The following ACAP2 variants were observed in gnomAD, a reference collection of about 807,000 sequenced individuals.
ACAP2 encodes the protein arf-GAP with coiled-coil, ANK repeat and PH domain-containing protein 2.
ACAP2 carries 39 observed loss-of-function variants against 115.8 expected under a neutral mutation model. The ratio of observed to expected loss-of-function variants is 0.34; its 90% CI spans 0.26 to 0.44. The LOEUF (loss-of-function observed/expected upper bound fraction) is 0.44. Among genes scored for constraint, ACAP2 ranks in the 20% least tolerant of loss-of-function variants. ACAP2 has a pLI of 1.00. For synonymous variants in ACAP2, 289 were observed against 315.8 expected (o/e 0.92, Z 0.90); for missense variants, 662 against 927.6 (o/e 0.71, Z 3.72).
intron 2 of ACAP2, among the ~76,000 whole-genome samples, chr3:195,383,368 A>G (rs1250931952): frequency 2.0e-5 from 3 of 152,132 alleles, no homozygotes; most frequent in Non-Finnish European, 4.4e-5. Context: ...CAGTCAAAAA[A>G]ACAGATACAA....
At chr3:195,292,082 G>A (rs1370735773) in intron 19 of ACAP2, among the ~76,000 whole-genome samples, 183 bp downstream of exon 19, 1 of 152,114 alleles carries the variant, frequency 6.6e-6, no homozygotes, top group Non-Finnish European at 1.5e-5. Context: ...CTCTTCCACT[G>A]CAAAAAAACT....
intron 2 of ACAP2, among the ~76,000 whole-genome samples, chr3:195,387,116 A>G (rs1410131944): frequency 6.6e-6 from 1 of 152,198 alleles, no homozygotes; most frequent in Admixed American, 6.5e-5. Context: ...GGCAATGAAG[A>G]GGGAGGGAGG....
At chr3:195,374,472 G>A (rs1733379969) in intron 4 of ACAP2, among the ~76,000 whole-genome samples, 1 of 152,204 alleles carries the variant, frequency 6.6e-6, no homozygotes, top group Admixed American at 6.5e-5. Context: ...TCCATTTTAT[G>A]AATGATTGCC....
chr3:195,372,276 A>G (rs1305254494), intron 4 of ACAP2, among the ~76,000 whole-genome samples: 2 of 152,224 alleles, frequency 1.3e-5, no homozygotes, highest in African/African-American at 4.8e-5. Context: ...CATTTCATTA[A>G]GAGAATAACA....
intron 1 of ACAP2, among the ~76,000 whole-genome samples, chr3:195,421,331 T>C (rs1714172236): frequency 6.6e-6 from 1 of 152,304 alleles, no homozygotes; most frequent in South Asian, 2.1e-4. Flanking sequence ...ACTTCTCAAA[T>C]GATGAAATAA....
rs113294639 is a variant in ACAP2, at chr3:195,431,965, G to T, written c.53+10830C>A. 3.3e-3 allele frequency among the ~76,000 whole-genome samples: 497 copies of T among 152,190 alleles called. 3 individuals are homozygous for T. The highest frequency in any genetic ancestry group is 0.011 in the African/African-American group (476 of 41,522). On this transcript the variant is annotated intron_variant, in intron 1 of 22. Transcript: ENST00000326793. ...ATATGCATTGCTAGTTAATGATGTT[G>T]AGCATATTTTCATGTGCTTATTGAC...
intron 22 of ACAP2, among the ~76,000 whole-genome samples, chr3:195,281,175 A>G (rs1048244737): frequency 1.1e-4 from 17 of 152,130 alleles, no homozygotes; most frequent in African/African-American, 4.1e-4. Flanking sequence ...AGAGGCCGAG[A>G]CGGGCGGATC....
At chr3:195,424,543 C>A (rs536962525) in intron 1 of ACAP2, among the ~76,000 whole-genome samples, 2 of 151,524 alleles carry the variant, frequency 1.3e-5, no homozygotes, top group African/African-American at 4.8e-5. Flanking sequence ...AGACAATCCG[C>A]CTGCTTCGGC....
At chr3:195,439,615 GT>G (rs1232487411) in intron 1 of ACAP2, among the ~76,000 whole-genome samples, 3 of 151,040 alleles carry the variant, frequency 2.0e-5, no homozygotes, top group African/African-American at 7.3e-5. Flanking sequence ...TACATTTTGG[GT>G]TTTTTTGTTT....
In ACAP2 at chr3:195,291,745, C is replaced by T. The variant is rs760480509; in HGVS notation, c.2024G>A (p.Arg675Gln). The T allele has an allele frequency of 7.4e-6, 12 of 1,613,930 alleles. No individual in the cohort carries two copies. The Admixed American group carries it at 1.5e-4, about 20-fold the overall frequency. ...ANVNQRDVQG[R>Q]GPLHHATVLG... is the part of the protein sequence containing the mutation. ...GACGGTGGCATGGTGCAATGGTCCC[C>T]GCCCTTGGACATCTCTTTGGTTGAC... The change falls in exon 20 of 23, where the codon CGG becomes CAG. Residue 675 changes from arginine to glutamine, a missense_variant. Transcript: ENST00000326793.
intron 15 of ACAP2, among the ~76,000 whole-genome samples, chr3:195,301,344 C>T (rs1193751088): frequency 1.3e-5 from 2 of 152,136 alleles, no homozygotes; most frequent in Admixed American, 6.5e-5. Flanking sequence ...CCTCGGCTTC[C>T]TAAAGTGCTG....
chr3:195,301,894 A>G lies in ACAP2; in HGVS notation c.1325+72T>C, dbSNP rs1218500811. The G allele has an allele frequency of 2.0e-6, 3 of 1,522,718 alleles. No homozygotes were observed. In the East Asian group the frequency reaches 6.8e-5, roughly 34 times the overall value. 94.3% of individuals were successfully genotyped at this position (1,522,718 alleles called of 1,614,324 possible). A position where few individuals can be genotyped will look rare whatever the true frequency, so the allele number is the denominator to read the frequency against. On this transcript the variant is annotated intron_variant, in intron 14 of 22. Transcript: ENST00000326793. ...TTAGGGAAGTGGAAAAGGGCAACTA[A>G]CAAGTGAAACAACCATTTCTATCTG... is the stretch of plus-strand genomic sequence containing the variant.
chr3:195,303,547 A>C (rs147588914), intron 13 of ACAP2, among the ~76,000 whole-genome samples: 3,719 of 151,938 alleles, frequency 0.024, 145 homozygotes, highest in African/African-American at 0.084. Context: ...AGATCATGAC[A>C]CCGTACTCCA....
chr3:195,327,198 A>G (rs766663685), intron 8 of ACAP2, among the ~76,000 whole-genome samples: 2 of 152,194 alleles, frequency 1.3e-5, no homozygotes. Flanking sequence ...ATGGTGCCAT[A>G]CATATACGAT....
intron 1 of ACAP2, among the ~76,000 whole-genome samples, chr3:195,429,281 A>C (rs573685962): frequency 6.6e-6 from 1 of 151,276 alleles, no homozygotes; most frequent in South Asian, 2.1e-4. Context: ...CCAGTTATCC[A>C]GGAGGCTGAG....
chr3:195,310,758 G>GT (rs1728711929), intron 10 of ACAP2, among the ~76,000 whole-genome samples: 2 of 152,288 alleles, frequency 1.3e-5, no homozygotes, highest in Admixed American at 1.3e-4. Flanking sequence ...AGGATCATAT[G>GT]TATTTCTGAA....
At chr3:195,346,782 C>T (rs1234286475) in intron 4 of ACAP2, among the ~76,000 whole-genome samples, 1 of 152,120 alleles carries the variant, frequency 6.6e-6, no homozygotes, top group East Asian at 1.9e-4. Flanking sequence ...GTCTTTCAAC[C>T]AGTGAATATA....
chr3:195,408,175 A>C (rs1241628495), intron 1 of ACAP2, among the ~76,000 whole-genome samples: 2 of 152,162 alleles, frequency 1.3e-5, no homozygotes, highest in Non-Finnish European at 2.9e-5. Context: ...AAAATCTCCA[A>C]AACAGGCCAG....
At chr3:195,301,680 T>C (rs769321741) in intron 14 of ACAP2, 36 bp from the exon 15 acceptor site, 9 of 1,577,046 alleles carry the variant, frequency 5.7e-6, no homozygotes, top group Non-Finnish European at 7.8e-6. Context: ...TACTATCAAG[T>C]CTCTGTTTGC....
Sources: gnomAD v4.1 joint callset for allele counts (sites outside exome capture counted in the v4.1 genomes callset) on GRCh38, gnomAD v4.1.1 for gene constraint, MANE v1.5 for transcripts, NCBI Gene and HGNC (gene_info 2026-07-23, HGNC 2026-07-21) for gene names.